The following SMARCC1 variants were observed in gnomAD, a reference collection of about 807,000 sequenced individuals.
SMARCC1 encodes SWI/SNF complex subunit SMARCC1.
SMARCC1 carries 43 observed loss-of-function variants against 147.4 expected under a neutral mutation model. That is an observed-to-expected ratio of 0.29 (90% confidence interval 0.23 to 0.38). The LOEUF (loss-of-function observed/expected upper bound fraction) is 0.38. Ranked by LOEUF, SMARCC1 falls within the 10% of genes least tolerant of loss-of-function variation. The pLI is 1.00. For missense variants in SMARCC1, 1,119 were observed against 1,381.1 expected, an observed-to-expected ratio of 0.81 and a Z score of 3.01; for synonymous variants, 495 against 484.4, an observed-to-expected ratio of 1.02 and a Z score of -0.29.
At chr3:47,700,954 T>C (rs2033909953) in intron 11 of SMARCC1, among the ~76,000 whole-genome samples, 1 of 152,198 alleles carries the variant, frequency 6.6e-6, no homozygotes, top group South Asian at 2.1e-4. Flanking sequence ...AAGCATTCCC[T>C]AGAGATTTCA....
In SMARCC1 at chr3:47,588,238, G is replaced by A. The variant is rs770156191; in HGVS notation, c.3289C>T (p.Pro1097Ser). 29 of 1,613,798 alleles carry A rather than the reference G, an allele frequency of 1.8e-5. No individual in the cohort carries two copies. Among genetic ancestry groups the A allele is most frequent in the Non-Finnish European group, 2.3e-5 (27 of 1,179,896 alleles). The change falls in exon 28 of 28, where the codon CCT becomes TCT. Residue 1097 changes from proline to serine, a missense_variant. Physicochemically the swap from Pro to Ser is moderately conservative, Grantham distance 74. Around this residue, in one of 6 missense-constraint regions of SMARCC1, gnomAD observed 186 missense variants for 216.5 expected, o/e 0.86. Transcript: ENST00000254480. ...GGAGCAGCTGAGGCTGGCGGGCCAG[G>A]AGCAGGAGGCGGAGGGACCCCATCT... ...PADGVPPPPA[P>S]GPPASAAP is the part of the protein sequence containing the mutation.
intron 24 of SMARCC1, among the ~76,000 whole-genome samples, chr3:47,631,167 AG>A (rs1280444739): frequency 5.9e-5 from 9 of 152,108 alleles, no homozygotes; most frequent in African/African-American, 1.9e-4. Flanking sequence ...GAGAGAGAGA[AG>A]GAAAAGAATG....
At chr3:47,670,194 T>C (rs556399959) in intron 19 of SMARCC1, among the ~76,000 whole-genome samples, 1 of 152,346 alleles carries the variant, frequency 6.6e-6, no homozygotes, top group East Asian at 1.9e-4. Context: ...GATTTAAGTA[T>C]CAACTATCAA....
At chr3:47,637,045 G>A (rs1332162434) in intron 22 of SMARCC1, among the ~76,000 whole-genome samples, 1 of 152,048 alleles carries the variant, frequency 6.6e-6, no homozygotes, top group Non-Finnish European at 1.5e-5. Flanking sequence ...CTGACTTCAT[G>A]AGGCTATATT....
chr3:47,643,096 G>A (rs543495729), intron 21 of SMARCC1, among the ~76,000 whole-genome samples: 3 of 152,086 alleles, frequency 2.0e-5, no homozygotes, highest in East Asian at 1.9e-4. Context: ...GTTGTTACTC[G>A]TAGAACCCGT....
chr3:47,767,357 C>T (rs1175451236), intron 2 of SMARCC1, among the ~76,000 whole-genome samples: 9 of 146,796 alleles, frequency 6.1e-5, no homozygotes, highest in African/African-American at 1.5e-4. Context: ...TCTCCTGCCT[C>T]GGCCTCCTGA....
chr3:47,759,588 T>G, intron 2 of SMARCC1, among the ~76,000 whole-genome samples: 1 of 121,682 alleles, frequency 8.2e-6, no homozygotes, highest in Admixed American at 1.0e-4. Flanking sequence ...ACCACTGCAC[T>G]CCAGTCTGGG....
chr3:47,749,059 T>C (rs1425764142), intron 2 of SMARCC1, among the ~76,000 whole-genome samples: 2 of 152,168 alleles, frequency 1.3e-5, no homozygotes, highest in Middle Eastern at 3.4e-3. Flanking sequence ...TCCCAGCACT[T>C]TGGGAGGCCG....
chr3:47,701,923 T>TA (rs2033923421), intron 10 of SMARCC1, among the ~76,000 whole-genome samples: 1 of 151,914 alleles, frequency 6.6e-6, no homozygotes, highest in African/African-American at 2.4e-5. Flanking sequence ...TTAACAGGCA[T>TA]AAAAAATGGG....
chr3:47,740,439 C>T (rs1444667837), intron 3 of SMARCC1, among the ~76,000 whole-genome samples: 2 of 151,892 alleles, frequency 1.3e-5, no homozygotes, highest in African/African-American at 4.8e-5. Flanking sequence ...TCGAGATCCA[C>T]CCACCTCGGC....
At chr3:47,738,382 A>G (rs999688224) in intron 3 of SMARCC1, among the ~76,000 whole-genome samples, 4 of 152,214 alleles carry the variant, frequency 2.6e-5, no homozygotes, top group African/African-American at 9.7e-5. Flanking sequence ...TACATCTTAT[A>G]GAAAAGTAGT....
chr3:47,670,378 A>T, intron 19 of SMARCC1: 1 of 387,716 alleles, frequency 2.6e-6, no homozygotes, highest in Non-Finnish European at 4.6e-6. Context: ...TGAGTCCAGG[A>T]GTTTGAGACC....
At chr3:47,602,563 G>A (rs1411819486) in intron 26 of SMARCC1, among the ~76,000 whole-genome samples, 1 of 152,162 alleles carries the variant, frequency 6.6e-6, no homozygotes, top group Non-Finnish European at 1.5e-5. Flanking sequence ...CTCCCAAAGT[G>A]CTGGGATTAC....
chr3:47,716,916 T>C (rs2034162346), intron 7 of SMARCC1, among the ~76,000 whole-genome samples: 1 of 152,168 alleles, frequency 6.6e-6, no homozygotes, highest in African/African-American at 2.4e-5. Context: ...TTGAGGCCAG[T>C]CTGGGCAACA....
chr3:47,754,230 G>A (rs1238529272), intron 2 of SMARCC1, among the ~76,000 whole-genome samples: 1 of 148,666 alleles, frequency 6.7e-6, no homozygotes, highest in African/African-American at 2.5e-5. Flanking sequence ...TTGAGACTGA[G>A]TCTCGCTCTG....
intron 24 of SMARCC1, 74 bp downstream of exon 24, chr3:47,635,116 T>C (rs1474761138): frequency 1.5e-6 from 2 of 1,309,070 alleles, no homozygotes; most frequent in African/African-American, 1.5e-5. Flanking sequence ...ATACTAAATG[T>C]TCCCAATTAA....
intron 8 of SMARCC1, 91 bp from the exon 9 acceptor site, chr3:47,710,899 T>A: frequency 1.0e-6 from 1 of 990,692 alleles, no homozygotes; most frequent in South Asian, 1.7e-5. Context: ...TGATTTATTT[T>A]CAAAGCCTCA....
At chr3:47,706,968 A>G (rs931533523) in intron 9 of SMARCC1, among the ~76,000 whole-genome samples, 2 of 152,226 alleles carry the variant, frequency 1.3e-5, no homozygotes, top group Non-Finnish European at 2.9e-5. Context: ...TAAACAGAAG[A>G]TAACTTCATG....
chr3:47,589,917 T>C (rs1227755633), intron 27 of SMARCC1, among the ~76,000 whole-genome samples: 1 of 152,212 alleles, frequency 6.6e-6, no homozygotes, highest in Admixed American at 6.5e-5. Flanking sequence ...TACATGAACC[T>C]AAGATTACAG....
Sources: gnomAD v4.1 joint callset for allele counts (sites outside exome capture counted in the v4.1 genomes callset) on GRCh38, gnomAD v4.1.1 for gene constraint, gnomAD v4.1.1 regional missense constraint, MANE v1.5 for transcripts, NCBI Gene and HGNC (gene_info 2026-07-23, HGNC 2026-07-21) for gene names.